Variants in TNFRSF11A observed in about 807,000 individuals in gnomAD.
The protein encoded by TNFRSF11A is tumor necrosis factor receptor superfamily member 11A.
In TNFRSF11A, 32 loss-of-function variants were observed where a neutral mutation model predicts 55.7. That is an observed-to-expected ratio of 0.57 (90% confidence interval 0.43 to 0.77). TNFRSF11A has a LOEUF of 0.77. Among genes scored for constraint, TNFRSF11A ranks in the 30% least tolerant of loss-of-function variants. TNFRSF11A has a pLI of 0.00. For missense variants in TNFRSF11A, 753 were observed against 809.8 expected (o/e 0.93, Z 0.85); for synonymous variants, 311 against 331.0 (o/e 0.94, Z 0.65).
At position 62,325,358 on chromosome 18, in the gene TNFRSF11A, C is replaced by G. The variant is rs35589394; in HGVS notation, c.6C>G (p.Ala2=). The G allele has an allele frequency of 2.8e-3, 2,867 of 1,026,484 alleles. 148 individuals carry two copies. The East Asian group carries it at 0.092, about 33-fold the overall frequency. The allele number at this position is 1,026,484 out of a possible 1,614,324, so 63.6% of individuals were successfully genotyped here. The change falls in exon 1 of 10, where the codon GCC becomes GCG. Residue 2 remains alanine, a synonymous_variant. Coordinates refer to ENST00000586569, the MANE Select transcript of TNFRSF11A (RefSeq NM_003839.4). This position sits in a 1 kb window ranked among gnomAD's most constrained non-coding sequence, Gnocchi z 4.7. Reference sequence around the variant, plus strand: ...CCGCCAGCCTGTCCCGCGCCATGGCCCCGCGCGCCCGGCGGCGCCGCCCGC... The same window carrying G: ...CCGCCAGCCTGTCCCGCGCCATGGCGCCGCGCGCCCGGCGGCGCCGCCCGC... M[A]PRARRRRPLF...
intron 5 of TNFRSF11A, among the ~76,000 whole-genome samples, chr18:62,359,626 G>A (rs1402485272): frequency 2.0e-5 from 3 of 152,174 alleles, no homozygotes; most frequent in African/African-American, 7.2e-5. Flanking sequence ...CAATCTTCTT[G>A]CCTCAGCCTC....
In TNFRSF11A at chr18:62,389,592, C is replaced by G. The variant is rs1267166957; in HGVS notation, c.*4558C>G. ...CCTGACCCACCCGCATGGCTCTGCA[C>G]AGCTGTGAGTCCAGTTTTCTCTCTT... On this transcript the variant is annotated 3_prime_UTR_variant, in exon 10 of 10. Transcript: ENST00000586569. 1 of 152,218 alleles carries G rather than the reference C, an allele frequency of 6.6e-6. No homozygotes were observed. Among genetic ancestry groups the G allele is most frequent in the Non-Finnish European group, 1.5e-5 (1 of 68,074 alleles). The allele number at this position is 152,218 out of a possible 1,614,324, so 9.4% of individuals were successfully genotyped here. A position where few individuals can be genotyped will look rare whatever the true frequency, so the allele number is the denominator to read the frequency against.
chr18:62,363,499 C>G (rs1005442161), intron 7 of TNFRSF11A, among the ~76,000 whole-genome samples: 1 of 150,170 alleles, frequency 6.7e-6, no homozygotes, highest in African/African-American at 2.4e-5. Context: ...CTCCTGAGTA[C>G]CTGGGATTAC....
chr18:62,326,160 T>G (rs143231181), intron 1 of TNFRSF11A, among the ~76,000 whole-genome samples: 29 of 152,362 alleles, frequency 1.9e-4, no homozygotes, highest in Non-Finnish European at 3.8e-4. Context: ...TTAAAAATCG[T>G]TGATACGAAC....
intron 1 of TNFRSF11A, among the ~76,000 whole-genome samples, chr18:62,326,879 C>T (rs984952171): frequency 6.6e-6 from 1 of 152,094 alleles, no homozygotes; most frequent in African/African-American, 2.4e-5. Context: ...GCCACGAATT[C>T]AATTGATATA....
At position 62,391,059 on chromosome 18, in the gene TNFRSF11A, C is replaced by G. The variant is rs549805603; in HGVS notation, c.*6025C>G. 3.3e-5 allele frequency: 5 copies of G among 152,380 alleles called. No homozygotes were observed. The East Asian group carries it at 7.7e-4, about 23-fold the overall frequency. 9.4% of individuals were successfully genotyped at this position (152,380 alleles called of 1,614,324 possible). ...GCCCCTGGCAACCATTATCTGTTCTCTCTTCCCATAGTTTCACCTTTTCCA... is the reference window on the plus strand; with the variant it reads ...GCCCCTGGCAACCATTATCTGTTCTGTCTTCCCATAGTTTCACCTTTTCCA... On this transcript the variant is annotated 3_prime_UTR_variant, in exon 10 of 10. Transcript: ENST00000586569.
rs113657602 is a variant in TNFRSF11A, at chr18:62,347,860, C to T, written c.76-308C>T. On this transcript the variant is annotated intron_variant, in intron 1 of 9. Coordinates refer to ENST00000586569, the MANE Select transcript of TNFRSF11A (RefSeq NM_003839.4). ...CAGAGGTTGCAGTGAGGTGAGGTTG[C>T]GCCATTGCACTCCAGCCTGGGCAAT... Among the ~76,000 whole-genome samples the T allele has an allele frequency of 1.1e-4, 16 of 151,034 alleles. 1 individual carries two copies. Among genetic ancestry groups the T allele is most frequent in the African/African-American group, 2.7e-4 (11 of 41,074 alleles).
chr18:62,357,739 T>C (rs1205444596), intron 4 of TNFRSF11A, among the ~76,000 whole-genome samples: 4 of 152,186 alleles, frequency 2.6e-5, no homozygotes, highest in African/African-American at 9.7e-5. Flanking sequence ...ATATTTGGAC[T>C]GAGGAGATTA....
intron 9 of TNFRSF11A, chr18:62,373,934 A>G (rs1407137441): frequency 6.6e-6 from 1 of 152,144 alleles, no homozygotes; most frequent in Non-Finnish European, 1.5e-5. Context: ...AGATTTTCCT[A>G]TCCAAACTTA....
At chr18:62,366,631 C>T in intron 7 of TNFRSF11A, 77 bp from the exon 8 acceptor site, 1 of 1,452,078 alleles carries the variant, frequency 6.9e-7, no homozygotes, top group Non-Finnish European at 9.7e-7. Flanking sequence ...CTTAAATATA[C>T]ATAATAACCT....
At chr18:62,374,481 G>A (rs34480461) in intron 9 of TNFRSF11A, among the ~76,000 whole-genome samples, 1 of 152,248 alleles carries the variant, frequency 6.6e-6, no homozygotes, top group Non-Finnish European at 1.5e-5. Flanking sequence ...ATGTAGCCTG[G>A]GTAGTTTGAG....
rs34591321 is a variant in TNFRSF11A, at chr18:62,361,660, C to T, written c.617-20C>T. ...TTAAAGAATCTTTACTACCATATTT[C>T]TCATTTTCTTCCAATACAGAACCCC... On this transcript the variant is annotated intron_variant, in intron 6 of 9. Coordinates refer to ENST00000586569, the MANE Select transcript of TNFRSF11A (RefSeq NM_003839.4). 402 of 1,594,068 alleles carry T rather than the reference C, an allele frequency of 2.5e-4. 4 individuals carry two copies. In the East Asian group the frequency reaches 8.4e-3, roughly 33 times the overall value.
chr18:62,341,453 G>A (rs527922960), intron 1 of TNFRSF11A, among the ~76,000 whole-genome samples: 1 of 152,178 alleles, frequency 6.6e-6, no homozygotes, highest in Non-Finnish European at 1.5e-5. Context: ...CTTGTCTCTG[G>A]GTACCCAGTT....
intron 9 of TNFRSF11A, among the ~76,000 whole-genome samples, chr18:62,375,853 G>A (rs1331364795): frequency 6.6e-6 from 1 of 152,064 alleles, no homozygotes; most frequent in Non-Finnish European, 1.5e-5. Flanking sequence ...AAAAAAATTA[G>A]CCAGATGTGG....
intron 1 of TNFRSF11A, among the ~76,000 whole-genome samples, chr18:62,341,732 A>G (rs1225019353): frequency 6.6e-6 from 1 of 151,870 alleles, no homozygotes; most frequent in Non-Finnish European, 1.5e-5. Flanking sequence ...TGCCAGTGCC[A>G]CATCATGTAT....
chr18:62,369,618 G>C, intron 9 of TNFRSF11A, 134 bp downstream of exon 9: 1 of 1,162,594 alleles, frequency 8.6e-7, no homozygotes, highest in South Asian at 1.3e-5. Context: ...CTCTTAATAA[G>C]CATTTTTACA....
chr18:62,340,068 G>A lies in TNFRSF11A; in HGVS notation c.76-8100G>A, dbSNP rs560100070. ...TACTCAGGGGCTGGCATGGGAAGAT[G>A]GCATGAGCCCAGGAGGATCACTTGA... On this transcript the variant is annotated intron_variant, in intron 1 of 9. Transcript: ENST00000586569. Among the ~76,000 whole-genome samples, 7 of 152,106 alleles carry A rather than the reference G, an allele frequency of 4.6e-5. No individual in the cohort carries two copies. In the East Asian group the frequency reaches 1.2e-3, roughly 26 times the overall value.
At chr18:62,346,086 C>G (rs2067955224) in intron 1 of TNFRSF11A, among the ~76,000 whole-genome samples, 1 of 152,186 alleles carries the variant, frequency 6.6e-6, no homozygotes, top group African/African-American at 2.4e-5. Context: ...TCCCATTTAC[C>G]AAATTCCCCT....
Position 62,389,524 on chromosome 18 carries a change from A to G in TNFRSF11A, c.*4490A>G, listed in dbSNP as rs892286424. 6 of 152,190 alleles carry G rather than the reference A, an allele frequency of 3.9e-5. No homozygotes were observed. The highest frequency in any genetic ancestry group is 7.3e-5 in the Non-Finnish European group (5 of 68,088). 9.4% of individuals were successfully genotyped at this position (152,190 alleles called of 1,614,324 possible). On this transcript the variant is annotated 3_prime_UTR_variant, in exon 10 of 10. Coordinates refer to ENST00000586569, the MANE Select transcript of TNFRSF11A (RefSeq NM_003839.4). The stretch of plus-strand genomic sequence containing the variant: ...TTTCAACAAAGAGGAGGACCGAATA[A>G]ATGTCCCAGTGGGCAGGCACACCCA...
Sources: gnomAD v4.1 joint callset for allele counts (sites outside exome capture counted in the v4.1 genomes callset) on GRCh38, gnomAD v4.1.1 for gene constraint, Gnocchi (gnomAD v3.1) non-coding constraint, MANE v1.5 for transcripts, NCBI Gene and HGNC (gene_info 2026-07-23, HGNC 2026-07-21) for gene names.